Variants in DST observed in about 807,000 individuals in gnomAD.
DST encodes the protein dystonin.
DST carries 253 observed loss-of-function variants against 875.2 expected under a neutral mutation model. The ratio of observed to expected loss-of-function variants is 0.29; its 90% CI spans 0.26 to 0.32. The LOEUF (loss-of-function observed/expected upper bound fraction) is 0.32. Ranked by LOEUF, DST falls within the 10% of genes least tolerant of loss-of-function variation. The probability of loss-of-function intolerance (pLI) is 1.00; values close to 1 mark genes in which losing one functional copy is unlikely to be tolerated. For synonymous variants in DST, 3,124 were observed against 3,197.1 expected (o/e 0.98, Z 0.77); for missense variants, 8,287 against 9,111.6 (o/e 0.91, Z 3.68).
chr6:56,618,069 C>T, intron 36 of DST: 2 of 1,614,076 alleles, frequency 1.2e-6, no homozygotes, highest in Non-Finnish European at 8.5e-7. Flanking sequence ...TTGTTCAGGG[C>T]TTGGTCTCTT....
At chr6:56,854,561 A>G (rs1766902331) in intron 3 of DST, among the ~76,000 whole-genome samples, 1 of 152,156 alleles carries the variant, frequency 6.6e-6, no homozygotes, top group Admixed American at 6.6e-5. Flanking sequence ...ATGATTTCTT[A>G]AAATATGTGC....
intron 4 of DST, among the ~76,000 whole-genome samples, chr6:56,761,704 T>A (rs1022624705): frequency 3.4e-4 from 50 of 145,832 alleles, no homozygotes; most frequent in African/African-American, 1.2e-3. Flanking sequence ...AGGAACCTAT[T>A]AAAAAAAAAA....
chr6:56,540,332 CCT>C (rs1193489220), intron 61 of DST: 7 of 152,706 alleles, frequency 4.6e-5, no homozygotes, highest in African/African-American at 1.4e-4. Context: ...TGCCTGGGCC[CCT>C]GTTTTTCTGG....
intron 4 of DST, among the ~76,000 whole-genome samples, chr6:56,804,973 A>G (rs1254538307): frequency 6.6e-6 from 1 of 152,058 alleles, no homozygotes; most frequent in Non-Finnish European, 1.5e-5. Flanking sequence ...CTGATTATAT[A>G]AAGATCATTT....
chr6:56,486,929 T>C (rs1284625215), intron 87 of DST, among the ~76,000 whole-genome samples, 175 bp downstream of exon 87: 1 of 152,064 alleles, frequency 6.6e-6, no homozygotes, highest in Non-Finnish European at 1.5e-5. Flanking sequence ...TAAAAATTAA[T>C]GAACAGCAAA....
intron 4 of DST, among the ~76,000 whole-genome samples, chr6:56,787,988 C>T (rs974001421): frequency 1.3e-5 from 2 of 151,268 alleles, no homozygotes; most frequent in Non-Finnish European, 3.0e-5. Flanking sequence ...GGCATGGTGG[C>T]GGGCACCTGT....
chr6:56,716,279 C>T (rs189201063), intron 5 of DST, among the ~76,000 whole-genome samples: 21 of 152,226 alleles, frequency 1.4e-4, no homozygotes, highest in South Asian at 6.2e-4. Context: ...TGGTGTTTGA[C>T]AAAAGAACAA....
chr6:56,701,824 G>C, intron 8 of DST, 64 bp downstream of exon 8: 1 of 1,035,732 alleles, frequency 9.7e-7, no homozygotes, highest in Non-Finnish European at 1.5e-6. Flanking sequence ...TCCTTGACAT[G>C]TTTCTACGTG....
At chr6:56,810,723 A>G (rs1366557082) in intron 4 of DST, among the ~76,000 whole-genome samples, 1 of 152,026 alleles carries the variant, frequency 6.6e-6, no homozygotes, top group Non-Finnish European at 1.5e-5. Flanking sequence ...AAAAAAAAAA[A>G]AGGCAGTATC....
chr6:56,706,315 A>G (rs2099336394), intron 5 of DST, among the ~76,000 whole-genome samples: 1 of 147,356 alleles, frequency 6.8e-6, no homozygotes, highest in Non-Finnish European at 1.5e-5. Context: ...CTCCGTCTCA[A>G]AAAAAAAAAA....
intron 9 of DST, among the ~76,000 whole-genome samples, chr6:56,681,122 A>G (rs545897750): frequency 3.3e-5 from 5 of 152,208 alleles, no homozygotes; most frequent in African/African-American, 1.2e-4. Flanking sequence ...CTTCAAACTC[A>G]ATGTATTGAG....
At position 56,640,314 on chromosome 6, in the gene DST, T is replaced by A. The variant is rs2152777417; in HGVS notation, c.2319A>T (p.Gly773=). 2 of 1,614,116 alleles carry A rather than the reference T, an allele frequency of 1.2e-6. No individual in the cohort carries two copies. Among genetic ancestry groups the A allele is most frequent in the Non-Finnish European group, 1.7e-6 (2 of 1,180,030 alleles). The change falls in exon 18 of 104, where the codon GGA becomes GGT. Residue 773 remains glycine (G), a synonymous_variant. Transcript: ENST00000680361. ...CTCCTGAACTGAAATTTGGAACTAATCCTGATGGGAAACCAGGTGTATAAG... is the reference window on the plus strand; with the variant it reads ...CTCCTGAACTGAAATTTGGAACTAAACCTGATGGGAAACCAGGTGTATAAG... ...TPAYTPGFPS[G]LVPNFSSGVE...
intron 5 of DST, among the ~76,000 whole-genome samples, chr6:56,730,208 C>A (rs1408489823): frequency 6.6e-6 from 1 of 152,130 alleles, no homozygotes; most frequent in Non-Finnish European, 1.5e-5. Context: ...CTCCAATCTT[C>A]CCCTAAAAAT....
intron 10 of DST, among the ~76,000 whole-genome samples, chr6:56,665,538 T>C (rs2099067935): frequency 6.6e-6 from 1 of 152,110 alleles, no homozygotes; most frequent in Non-Finnish European, 1.5e-5. Context: ...AGTAGTTACA[T>C]GGAAGTATAT....
chr6:56,484,291 T>C (rs2095492818), intron 88 of DST: 1 of 152,168 alleles, frequency 6.6e-6, no homozygotes, highest in African/African-American at 2.4e-5. Flanking sequence ...TTTTTAAATT[T>C]TTAACTTTTG....
intron 10 of DST, among the ~76,000 whole-genome samples, chr6:56,658,479 T>C (rs1259409870): frequency 6.6e-6 from 1 of 152,192 alleles, no homozygotes; most frequent in African/African-American, 2.4e-5. Flanking sequence ...GGGCTGGTTA[T>C]AGCATAAGGT....
rs759088257 is a variant in DST, at chr6:56,553,163, G to C, written c.15629C>G (p.Ser5210Cys). Residue 5210 changes from serine to cysteine, a missense_variant, in exon 61 of 104, where the codon TCT (serine) becomes TGT (cysteine). Around this residue, in one of 10 missense-constraint regions of DST, gnomAD observed 1,513 missense variants for 1,677.8 expected, o/e 0.90. Transcript: ENST00000680361. ...GTGTTGGTCCATTTCCTTCTGCAGAGACTTTAACTTGGCAATAGAATTCTC... is the reference window on the plus strand; with the variant it reads ...GTGTTGGTCCATTTCCTTCTGCAGACACTTTAACTTGGCAATAGAATTCTC... Reference protein sequence around the residue: ...EGENSIAKLKSLQKEMDQHFG... With the variant: ...EGENSIAKLKCLQKEMDQHFG... 1.1e-5 allele frequency: 18 copies of C among 1,613,850 alleles called. No individual in the cohort carries two copies. The highest frequency in any genetic ancestry group is 1.4e-5 in the Non-Finnish European group (17 of 1,179,904).
At chr6:56,950,324 C>G (rs567249746) in intron 2 of DST, among the ~76,000 whole-genome samples, 1 of 152,282 alleles carries the variant, frequency 6.6e-6, no homozygotes, top group Admixed American at 6.5e-5. Flanking sequence ...TTATTTACCA[C>G]TATTCACTCT....
At chr6:56,894,719 A>C (rs1461778571) in intron 3 of DST, among the ~76,000 whole-genome samples, 175 of 16,926 alleles carry the variant, frequency 0.01, no homozygotes, top group Admixed American at 0.014. Context: ...GACCCCCCCC[A>C]CCTCCCTCCC....
Sources: gnomAD v4.1 joint callset for allele counts (sites outside exome capture counted in the v4.1 genomes callset) on GRCh38, gnomAD v4.1.1 for gene constraint, gnomAD v4.1.1 regional missense constraint, MANE v1.5 for transcripts, NCBI Gene and HGNC (gene_info 2026-07-23, HGNC 2026-07-21) for gene names.